GRIPAP1: variants seen among roughly 807,000 people sequenced by gnomAD.
The protein encoded by GRIPAP1 is GRIP1 associated protein 1.
In GRIPAP1, 14 loss-of-function variants were observed where a neutral mutation model predicts 84.1. The ratio of observed to expected loss-of-function variants is 0.17; its 90% CI spans 0.11 to 0.26. The LOEUF (loss-of-function observed/expected upper bound fraction) is 0.26, where lower values mean the gene tolerates loss of function less well. Ranked by LOEUF, GRIPAP1 falls within the 10% of genes least tolerant of loss-of-function variation. GRIPAP1 has a pLI of 1.00. For missense variants in GRIPAP1, 518 were observed against 674.2 expected, an observed-to-expected ratio of 0.77 and a Z score of 2.57; for synonymous variants, 261 against 256.8, an observed-to-expected ratio of 1.02 and a Z score of -0.15.
chrX:48,980,977 A>C (rs2064453237), intron 21 of GRIPAP1, among the ~76,000 whole-genome samples: 1 of 111,958 alleles, frequency 8.9e-6, no homozygotes, highest in Non-Finnish European at 1.9e-5. Context: ...ACAAACTGAG[A>C]CAGAGGCAGA....
intron 21 of GRIPAP1, among the ~76,000 whole-genome samples, chrX:48,979,831 C>G (rs1025247641): frequency 9.1e-6 from 1 of 110,338 alleles, no homozygotes; most frequent in Non-Finnish European, 1.9e-5. Context: ...CCAGGCTGGT[C>G]TTGAACCCCT....
chrX:48,997,411 G>T, intron 4 of GRIPAP1, 54 bp from the exon 5 acceptor site: 1 of 666,365 alleles, frequency 1.5e-6, no homozygotes, highest in Non-Finnish European at 2.4e-6. Context: ...GGATAGGGAG[G>T]TAGGGCAAAG....
chrX:48,985,321 CCTG>C lies in GRIPAP1; in HGVS notation c.1120_1122del (p.Gln374del), dbSNP rs782165237. ...TGTCCCATAAGGTCCTCGTACTCAG[CCTG>C]CTGCTGCTGCAACTCAGCTGCCAGC... On this transcript the variant is annotated inframe_deletion, in exon 14 of 26. Coordinates refer to ENST00000376423, the MANE Select transcript of GRIPAP1 (RefSeq NM_020137.5). 1.7e-6 allele frequency: 2 copies of C among 1,203,952 alleles called. No individual in the cohort carries two copies. The highest frequency in any genetic ancestry group is 2.3e-6 in the Non-Finnish European group (2 of 888,542).
At chrX:48,997,641 G>C (rs1312385009) in intron 4 of GRIPAP1, among the ~76,000 whole-genome samples, 5 of 108,579 alleles carry the variant, frequency 4.6e-5, no homozygotes, top group African/African-American at 1.0e-4. Context: ...GATGGGGAAA[G>C]GGGGAGAGAT....
chrX:48,974,294 C>T lies in GRIPAP1; in HGVS notation c.2434-9G>A. 6.1e-6 allele frequency: 7 copies of T among 1,150,343 alleles called. No individual in the cohort carries two copies. Among genetic ancestry groups the T allele is most frequent in the Non-Finnish European group, 8.3e-6 (7 of 840,854 alleles). 94.8% of individuals were successfully genotyped at this position (1,150,343 alleles called of 1,213,427 possible). A position where few individuals can be genotyped will look rare whatever the true frequency, so the allele number is the denominator to read the frequency against. ...GACAGAACTTCCATATCCTAAGAAA[C>T]AAATGAACCATCAGGGGCCAGAGAA... On this transcript the variant is annotated splice_polypyrimidine_tract_variant and intron_variant, in intron 25 of 25. Coordinates refer to ENST00000376423, the MANE Select transcript of GRIPAP1 (RefSeq NM_020137.5).
chrX:48,974,376 C>A lies in GRIPAP1; in HGVS notation c.2434-91G>T. On this transcript the variant is annotated intron_variant, in intron 25 of 25. Coordinates refer to ENST00000376423, the MANE Select transcript of GRIPAP1 (RefSeq NM_020137.5). ...GTATCATCTGTGATTTCCCTCACACCCTTTCATTAATCAATGCTCAGCTGT... is the reference window on the plus strand; with the variant it reads ...GTATCATCTGTGATTTCCCTCACACACTTTCATTAATCAATGCTCAGCTGT... 4 of 549,114 alleles carry A rather than the reference C, an allele frequency of 7.3e-6. No individual in the cohort carries two copies. In the South Asian group the frequency reaches 8.4e-5, roughly 12 times the overall value. The allele number at this position is 549,114 out of a possible 1,213,427, so 45.3% of individuals were successfully genotyped here. A position where few individuals can be genotyped will look rare whatever the true frequency, so the allele number is the denominator to read the frequency against.
chrX:48,982,220 CA>C (rs1361725521), intron 17 of GRIPAP1, among the ~76,000 whole-genome samples: 1 of 112,006 alleles, frequency 8.9e-6, no homozygotes, highest in Non-Finnish European at 1.9e-5. Flanking sequence ...TTGATGAAAA[CA>C]GGCCACAGAG....
intron 5 of GRIPAP1, 136 bp from the exon 6 acceptor site, chrX:48,993,714 T>C (rs782119745): frequency 6.4e-5 from 26 of 406,720 alleles, no homozygotes; most frequent in Non-Finnish European, 9.3e-5. Context: ...GCCCTCCCAC[T>C]TTACAAATAA....
At chrX:48,979,704 T>C (rs1569519299) in intron 21 of GRIPAP1, among the ~76,000 whole-genome samples, 2 of 105,130 alleles carry the variant, frequency 1.9e-5, no homozygotes. Context: ...CCCTGCCTCC[T>C]GGGTTCAGGC....
intron 1 of GRIPAP1, chrX:49,000,921 C>T (rs1557068418): frequency 9.0e-6 from 1 of 110,559 alleles, no homozygotes; most frequent in African/African-American, 3.3e-5. Context: ...TTTCCTACTC[C>T]TGTCCTCTCC....
rs1557062311 is a variant in GRIPAP1, at chrX:48,981,790, G to A, written c.1677+5C>T. On this transcript the variant is annotated splice_donor_5th_base_variant and intron_variant, in intron 18 of 25. Transcript: ENST00000376423. ...GAGAGAGGAACACCATCATGCGAGA[G>A]GCACCTTCAGCTCGGCAGCGTGCTG... is the stretch of plus-strand genomic sequence containing the variant. 1.7e-6 allele frequency: 2 copies of A among 1,178,109 alleles called. No homozygotes were observed. The highest frequency in any genetic ancestry group is 3.1e-5 in the East Asian group (1 of 32,769).
Position 48,975,248 on chromosome X carries a change from T to C in GRIPAP1, c.2340A>G (p.Leu780=). The change falls in exon 25 of 26, where the codon CTA becomes CTG. Residue 780 remains leucine, a synonymous_variant. Coordinates refer to ENST00000376423, the MANE Select transcript of GRIPAP1 (RefSeq NM_020137.5). ...GAAGGTTCTCGTCACCTGGCTTCACTAGGTCTCTCAGGACGCTGCCCAGCC... is the reference window on the plus strand; with the variant it reads ...GAAGGTTCTCGTCACCTGGCTTCACCAGGTCTCTCAGGACGCTGCCCAGCC... The part of the protein sequence containing the change: ...RSGLGSVLRD[L]VKPGDENLRE... 8.3e-7 allele frequency: 1 copy of C among 1,211,000 alleles called. No homozygotes were observed. The highest frequency in any genetic ancestry group is 1.8e-5 in the South Asian group (1 of 56,922).
In GRIPAP1 at chrX:48,978,059, A is replaced by G. The variant is rs2064432444; in HGVS notation, c.2061+246T>C. The G allele has an allele frequency of 9.4e-6, 3 of 317,636 alleles. No homozygotes were observed. In the East Asian group the frequency reaches 1.6e-4, roughly 17 times the overall value. The allele number at this position is 317,636 out of a possible 1,213,427, so 26.2% of individuals were successfully genotyped here. A position where few individuals can be genotyped will look rare whatever the true frequency, so the allele number is the denominator to read the frequency against. On this transcript the variant is annotated intron_variant, in intron 22 of 25. Transcript: ENST00000376423. ...GCACCTACTATGAGCCACATAATTT[A>G]TGGCACCAGAGAAGGGGGAATTAGC...
At chrX:48,985,816 CT>C (rs2064483742) in intron 13 of GRIPAP1, among the ~76,000 whole-genome samples, 1 of 109,672 alleles carries the variant, frequency 9.1e-6, no homozygotes, top group Non-Finnish European at 1.9e-5. Context: ...GTGCTTTATA[CT>C]TTGATCTGGG....
intron 2 of GRIPAP1, 21 bp downstream of exon 2, chrX:48,999,417 A>G (rs782620259): frequency 8.5e-7 from 1 of 1,171,151 alleles, no homozygotes; most frequent in Non-Finnish European, 1.2e-6. Flanking sequence ...ACCCCCATCT[A>G]ATAAGGCCCT....
intron 6 of GRIPAP1, 140 bp downstream of exon 6, chrX:48,993,288 G>GGTCGCCGTATCATTAAAA: frequency 4.3e-6 from 2 of 461,419 alleles, no homozygotes; most frequent in Non-Finnish European, 3.4e-6. Flanking sequence ...TCAGAGAGGT[G>GGTCGCCGTATCATTAAAA]AAATGGCTTG....
At chrX:48,981,023 G>A (rs2064453516) in intron 21 of GRIPAP1, among the ~76,000 whole-genome samples, 192 bp downstream of exon 21, 1 of 111,985 alleles carries the variant, frequency 8.9e-6, no homozygotes, top group South Asian at 3.7e-4. Context: ...AAAAACGAGA[G>A]AAAGATAGAA....
chrX:48,979,185 AG>A (rs782609721), intron 21 of GRIPAP1, among the ~76,000 whole-genome samples: 4 of 110,238 alleles, frequency 3.6e-5, no homozygotes, highest in Non-Finnish European at 7.6e-5. Context: ...AGAGACAGAG[AG>A]AAAAAAAGAT....
Position 48,985,358 on chromosome X carries a change from C to T in GRIPAP1, c.1086G>A (p.Gln362=). The T allele has an allele frequency of 8.3e-7, 1 of 1,208,262 alleles. No individual in the cohort carries two copies. The highest frequency in any genetic ancestry group is 1.8e-5 in the South Asian group (1 of 56,905). ...GCAACTCAGCTGCCAGCCCAGTGGTCTGTTCCCGGAGCATATTCAGTTCTT... is the reference window on the plus strand; with the variant it reads ...GCAACTCAGCTGCCAGCCCAGTGGTTTGTTCCCGGAGCATATTCAGTTCTT... ...KTQELNMLRE[Q]TTGLAAELQQ... is the part of the protein sequence containing the mutation. The change falls in exon 14 of 26, where the codon CAG becomes CAA. Residue 362 remains glutamine, a synonymous_variant. Coordinates refer to ENST00000376423, the MANE Select transcript of GRIPAP1 (RefSeq NM_020137.5).
Sources: gnomAD v4.1 joint callset for allele counts (sites outside exome capture counted in the v4.1 genomes callset) on GRCh38, gnomAD v4.1.1 for gene constraint, MANE v1.5 for transcripts, NCBI Gene and HGNC (gene_info 2026-07-23, HGNC 2026-07-21) for gene names.